Variants in NKAIN2 observed in about 807,000 individuals in gnomAD.
NKAIN2 encodes sodium/potassium-transporting ATPase subunit beta-1-interacting protein 2.
In NKAIN2, 14 loss-of-function variants were observed where a neutral mutation model predicts 32.6. The observed-to-expected ratio is 0.43, with a 90% CI of 0.28 to 0.67. NKAIN2 has a LOEUF of 0.67. NKAIN2 is among the 30% of genes least tolerant of loss of function. The pLI, the probability that NKAIN2 is intolerant of heterozygous loss-of-function variation, is 0.17. For missense variants in NKAIN2, 198 were observed against 258.3 expected, an observed-to-expected ratio of 0.77 and a Z score of 1.60; for synonymous variants, 80 against 87.2, an observed-to-expected ratio of 0.92 and a Z score of 0.46.
chr6:124,198,081 G>A (rs1395351312), intron 1 of NKAIN2, among the ~76,000 whole-genome samples: 1 of 151,920 alleles, frequency 6.6e-6, no homozygotes, highest in Non-Finnish European at 1.5e-5. Context: ...TGTACATCAC[G>A]AGTTTAAATA....
intron 1 of NKAIN2, among the ~76,000 whole-genome samples, chr6:124,178,124 G>T (rs1489233930): frequency 1.3e-5 from 2 of 151,992 alleles, no homozygotes; most frequent in East Asian, 1.9e-4. Flanking sequence ...GCAGCAAAAA[G>T]GTGCCATGTA....
At chr6:124,398,729 G>A (rs1420026697) in intron 3 of NKAIN2, among the ~76,000 whole-genome samples, 17 of 152,062 alleles carry the variant, frequency 1.1e-4, no homozygotes. Context: ...GGTAATGAAT[G>A]GAATGGAAAA....
At chr6:124,158,773 G>T (rs1788118496) in intron 1 of NKAIN2, among the ~76,000 whole-genome samples, 1 of 152,136 alleles carries the variant, frequency 6.6e-6, no homozygotes, top group Non-Finnish European at 1.5e-5. Flanking sequence ...TTATAGTCCA[G>T]AACCCTTTTC....
intron 4 of NKAIN2, among the ~76,000 whole-genome samples, chr6:124,758,200 T>C (rs1343434679): frequency 6.6e-6 from 1 of 152,108 alleles, no homozygotes; most frequent in Non-Finnish European, 1.5e-5. Context: ...ACTGCACACT[T>C]GCCTCCCCCT....
At chr6:124,087,684 C>CTT (rs1784245959) in intron 1 of NKAIN2, among the ~76,000 whole-genome samples, 4 of 151,792 alleles carry the variant, frequency 2.6e-5, no homozygotes, top group Admixed American at 2.6e-4. Context: ...TAAAAATAGT[C>CTT]TATTAAAAAG....
At chr6:124,320,843 A>G (rs1424944129) in intron 2 of NKAIN2, among the ~76,000 whole-genome samples, 1 of 152,190 alleles carries the variant, frequency 6.6e-6, no homozygotes, top group Admixed American at 6.6e-5. Flanking sequence ...GTGGGTTCTC[A>G]AGCAGCTAAT....
chr6:124,118,525 G>C (rs1193022857), intron 1 of NKAIN2, among the ~76,000 whole-genome samples: 1 of 152,052 alleles, frequency 6.6e-6, no homozygotes, highest in Non-Finnish European at 1.5e-5. Context: ...AGTTCTCGTA[G>C]GGAGCACTGT....
chr6:124,413,916 A>G (rs1026356195), intron 3 of NKAIN2, among the ~76,000 whole-genome samples: 2 of 152,154 alleles, frequency 1.3e-5, no homozygotes, highest in Non-Finnish European at 2.9e-5. Flanking sequence ...TATTAGATCC[A>G]GAAGCACTTT....
chr6:124,687,743 T>TACACACAC (rs373594549), intron 4 of NKAIN2, among the ~76,000 whole-genome samples: 34,724 of 103,972 alleles, frequency 0.33, 7,079 homozygotes, highest in Middle Eastern at 0.41. Flanking sequence ...ATATGATATA[T>TACACACAC]ACACACACAC....
At chr6:124,701,751 A>C (rs932203705) in intron 4 of NKAIN2, among the ~76,000 whole-genome samples, 3 of 152,154 alleles carry the variant, frequency 2.0e-5, no homozygotes, top group Admixed American at 6.6e-5. Context: ...TTTTTACATT[A>C]AGAACCTAGA....
At chr6:124,283,878 C>CA (rs979027190) in intron 2 of NKAIN2, among the ~76,000 whole-genome samples, 1 of 152,064 alleles carries the variant, frequency 6.6e-6, no homozygotes, top group Non-Finnish European at 1.5e-5. Flanking sequence ...TGTCTATAGG[C>CA]ATTTATTTAA....
chr6:123,991,601 G>A (rs988668116), intron 1 of NKAIN2, among the ~76,000 whole-genome samples: 1 of 152,132 alleles, frequency 6.6e-6, no homozygotes, highest in Admixed American at 6.6e-5. Context: ...GGTGGCTCAT[G>A]CCTGTAATCC....
At chr6:124,493,065 G>C (rs958414866) in intron 3 of NKAIN2, among the ~76,000 whole-genome samples, 17 of 151,940 alleles carry the variant, frequency 1.1e-4, no homozygotes, top group African/African-American at 3.6e-4. Flanking sequence ...ATAGTGATTA[G>C]ATTAGAAAAT....
chr6:124,801,405 G>GTTAA (rs1780249600), intron 5 of NKAIN2, among the ~76,000 whole-genome samples: 1 of 152,160 alleles, frequency 6.6e-6, no homozygotes, highest in South Asian at 2.1e-4. Context: ...CAATTTTACA[G>GTTAA]TTAAGGAAAG....
chr6:124,332,570 G>A (rs1797708085), intron 2 of NKAIN2, among the ~76,000 whole-genome samples: 4 of 151,802 alleles, frequency 2.6e-5, no homozygotes, highest in South Asian at 2.1e-4. Flanking sequence ...CCATTAGAGG[G>A]CCTTATTTTT....
rs1792133269 is a variant in NKAIN2, at chr6:124,226,751, G to A, written c.55-56254G>A. Among the ~76,000 whole-genome samples, 6 of 152,076 alleles carry A rather than the reference G, an allele frequency of 3.9e-5. No homozygotes were observed. In the South Asian group the frequency reaches 1.0e-3, roughly 26 times the overall value. ...ACTTTTTTGACCACAAGAATGTGCA[G>A]TGTCATCTTTTAAAAATAAGAATTG... On this transcript the variant is annotated intron_variant, in intron 1 of 6. Transcript: ENST00000368417.
At chr6:124,370,141 A>G (rs1158094145) in intron 3 of NKAIN2, among the ~76,000 whole-genome samples, 1 of 151,276 alleles carries the variant, frequency 6.6e-6, no homozygotes, top group Non-Finnish European at 1.5e-5. Flanking sequence ...TTAGTAGTTC[A>G]GTACGCTACA....
rs543421345 is a variant in NKAIN2, at chr6:124,551,864, G to A, written c.274-106322G>A. The stretch of plus-strand genomic sequence containing the variant: ...TCACTGGTCAGAGTCATTACTTTGT[G>A]AGACATGTTTGGTCACCTTTGATGT... On this transcript the variant is annotated intron_variant, in intron 3 of 6. Coordinates refer to ENST00000368417, the MANE Select transcript of NKAIN2 (RefSeq NM_001040214.3). Among the ~76,000 whole-genome samples the A allele has an allele frequency of 4.6e-5, 7 of 152,314 alleles. 1 individual carries two copies. In the South Asian group the frequency reaches 1.2e-3, roughly 27 times the overall value.
intron 1 of NKAIN2, among the ~76,000 whole-genome samples, chr6:123,863,555 C>T (rs558917753): frequency 5.3e-5 from 8 of 152,290 alleles, no homozygotes; most frequent in South Asian, 4.1e-4. Flanking sequence ...CAGATGATCT[C>T]ACTTCTGAGA....
Sources: allele counts gnomAD v4.1 joint callset (sites outside exome capture counted in the v4.1 genomes callset), GRCh38; gene constraint gnomAD v4.1.1; transcripts MANE v1.5; gene names NCBI Gene and HGNC (gene_info 2026-07-23, HGNC 2026-07-21).